FRY: variants seen among roughly 807,000 people sequenced by gnomAD.
The protein encoded by FRY is protein furry homolog.
Under a neutral mutation model 348.4 loss-of-function variants are expected in FRY, and 128 were observed. That is an observed-to-expected ratio of 0.37 (90% CI 0.32 to 0.43). The LOEUF (loss-of-function observed/expected upper bound fraction) is 0.43, where lower values mean the gene tolerates loss of function less well. FRY is among the 20% of genes least tolerant of loss of function. The probability of loss-of-function intolerance (pLI) is 1.00; values close to 1 mark genes in which losing one functional copy is unlikely to be tolerated. For synonymous variants in FRY, 1,370 were observed against 1,374.7 expected, an observed-to-expected ratio of 1.00 and a Z score of 0.08; for missense variants, 2,736 against 3,695.2, an observed-to-expected ratio of 0.74 and a Z score of 6.73.
At chr13:32,242,892 T>C (rs1226190245) in intron 46 of FRY, among the ~76,000 whole-genome samples, 1 of 152,212 alleles carries the variant, frequency 6.6e-6, no homozygotes, top group African/African-American at 2.4e-5. Context: ...TTTAGTTGGA[T>C]CATCTCTATC....
chr13:32,295,665 A>G lies in FRY; in HGVS notation c.*205A>G, dbSNP rs1484440611. On this transcript the variant is annotated 3_prime_UTR_variant, in exon 61 of 61. Coordinates refer to ENST00000542859, the MANE Select transcript of FRY (RefSeq NM_023037.3). The stretch of plus-strand genomic sequence containing the variant: ...CAAGGTAGCTTAGAACGTCCTGGAC[A>G]GACTCCACTCATCATGCTGTGTGGC... The G allele has an allele frequency of 6.6e-6, 4 of 601,518 alleles. No homozygotes were observed. The highest frequency in any genetic ancestry group is 1.2e-5 in the Non-Finnish European group (4 of 337,176). 37.3% of individuals were successfully genotyped at this position (601,518 alleles called of 1,614,324 possible).
intron 2 of FRY, chr13:32,086,072 T>G: frequency 2.1e-6 from 1 of 477,912 alleles, no homozygotes; most frequent in Non-Finnish European, 4.2e-6. Flanking sequence ...CCTCTGAGGG[T>G]TTTCAAAGGC....
In FRY at chr13:32,147,351, C is replaced by T. The variant is rs1229819218; in HGVS notation, c.1249C>T (p.Arg417Ter). The part of the protein sequence containing the change: ...LYRLLWVYMI[R>*]IKCESNTATQ... ...CAGATTACTTTGGGTTTACATGATT[C>T]GAATTAAATGTGAAAGCAACACAGC... Residue 417 changes from arginine to a stop codon, truncating the protein, a stop_gained, in exon 12 of 61, where the codon CGA becomes TGA. Coordinates refer to ENST00000542859, the MANE Select transcript of FRY (RefSeq NM_023037.3). LOFTEE classifies it high-confidence loss of function. 1 of 1,610,332 alleles carries T rather than the reference C, an allele frequency of 6.2e-7. No individual in the cohort carries two copies. The highest frequency in any genetic ancestry group is 8.5e-7 in the Non-Finnish European group (1 of 1,176,668).
At chr13:32,259,366 C>T (rs1462912875) in intron 51 of FRY, among the ~76,000 whole-genome samples, 1 of 152,224 alleles carries the variant, frequency 6.6e-6, no homozygotes, top group Non-Finnish European at 1.5e-5. Flanking sequence ...TTACACCTTC[C>T]AGCAAGACAG....
chr13:32,205,647 T>C (rs1884311077), intron 31 of FRY, among the ~76,000 whole-genome samples: 1 of 152,110 alleles, frequency 6.6e-6, no homozygotes, highest in African/African-American at 2.4e-5. Context: ...ATATGTGCTT[T>C]TTGAATCCCC....
At chr13:32,152,280 T>G (rs1880844061) in intron 14 of FRY, among the ~76,000 whole-genome samples, 1 of 152,180 alleles carries the variant, frequency 6.6e-6, no homozygotes, top group Non-Finnish European at 1.5e-5. Flanking sequence ...TTCCAAAATT[T>G]ATATGGAAAA....
chr13:32,183,794 A>T (rs931810298), intron 24 of FRY, among the ~76,000 whole-genome samples: 2 of 150,502 alleles, frequency 1.3e-5, no homozygotes, highest in Non-Finnish European at 3.0e-5. Flanking sequence ...AAAAAAAAAA[A>T]AAAACCTAGA....
intron 36 of FRY, among the ~76,000 whole-genome samples, chr13:32,223,204 C>T (rs966775400): frequency 3.9e-5 from 6 of 152,090 alleles, no homozygotes; most frequent in African/African-American, 1.4e-4. Context: ...GTGATCTACC[C>T]GCCTTGGCCT....
At chr13:32,263,243 A>G (rs1887757927) in intron 53 of FRY, among the ~76,000 whole-genome samples, 1 of 152,204 alleles carries the variant, frequency 6.6e-6, no homozygotes, top group Admixed American at 6.5e-5. Flanking sequence ...ATGGTTGTGC[A>G]AGTTCAAAAG....
intron 14 of FRY, 22 bp from the exon 15 acceptor site, chr13:32,155,469 A>T: frequency 6.3e-7 from 1 of 1,594,434 alleles, no homozygotes; most frequent in Non-Finnish European, 8.6e-7. Context: ...TCCTTTTGTC[A>T]TGACAATATT....
At chr13:32,046,563 CA>C (rs777250763) in intron 1 of FRY, among the ~76,000 whole-genome samples, 287 of 152,280 alleles carry the variant, frequency 1.9e-3, no homozygotes, top group Admixed American at 3.4e-3. Context: ...TTGCTGAAAA[CA>C]GAAGTGAATT....
chr13:32,211,415 C>T (rs747323040), intron 34 of FRY, among the ~76,000 whole-genome samples: 1 of 152,188 alleles, frequency 6.6e-6, no homozygotes, highest in Non-Finnish European at 1.5e-5. Flanking sequence ...GCCAAGATTG[C>T]ACCACTATAC....
chr13:32,109,304 A>T (rs945121154), intron 3 of FRY, among the ~76,000 whole-genome samples: 1 of 152,202 alleles, frequency 6.6e-6, no homozygotes, highest in Non-Finnish European at 1.5e-5. Context: ...AAAATGAATA[A>T]GACAGAGCCC....
chr13:32,038,282 G>GCAATATAGCT (rs1219796901), intron 1 of FRY: 1 of 152,164 alleles, frequency 6.6e-6, no homozygotes. Flanking sequence ...TTTAAAAAAT[G>GCAATATAGCT]CAATATAGCT....
At chr13:32,127,025 T>A (rs961807380) in intron 7 of FRY, among the ~76,000 whole-genome samples, 1 of 152,214 alleles carries the variant, frequency 6.6e-6, no homozygotes, top group African/African-American at 2.4e-5. Context: ...TGATGCTGTT[T>A]AGTTCTTGTC....
At position 32,261,784 on chromosome 13, in the gene FRY, A is replaced by G. The variant is rs563858430; in HGVS notation, c.7585A>G (p.Thr2529Ala). ...SDESSEEEDLTASQILEHSDL... is the reference protein window; with the variant it reads ...SDESSEEEDLAASQILEHSDL... The stretch of plus-strand genomic sequence containing the variant: ...TGAATCATCCGAGGAGGAGGACCTC[A>G]CAGCCAGCCAGATCCTGGAGCACTC... Residue 2529 changes from threonine to alanine, a missense_variant, in exon 52 of 61, where the codon ACA (threonine) becomes GCA (alanine). Around this residue, in one of 9 missense-constraint regions of FRY, gnomAD observed 789 missense variants for 996.2 expected, o/e 0.79. Coordinates refer to ENST00000542859, the MANE Select transcript of FRY (RefSeq NM_023037.3). The G allele has an allele frequency of 6.2e-7, 1 of 1,614,218 alleles. No individual in the cohort carries two copies. The highest frequency in any genetic ancestry group is 8.5e-7 in the Non-Finnish European group (1 of 1,180,030).
chr13:32,067,841 T>C (rs368392), intron 1 of FRY, among the ~76,000 whole-genome samples: 123,098 of 152,146 alleles, frequency 0.81, 50,002 homozygotes, highest in East Asian at 1. Flanking sequence ...AAAATGTTAA[T>C]TTTGTTGGAG....
At chr13:32,068,344 A>C (rs1465567918) in intron 1 of FRY, among the ~76,000 whole-genome samples, 3 of 152,168 alleles carry the variant, frequency 2.0e-5, no homozygotes. Flanking sequence ...CTTAGGGAGA[A>C]AAAGGAAGTT....
At chr13:32,208,718 C>A (rs1884501232) in intron 31 of FRY, 135 bp from the exon 32 acceptor site, 3 of 1,011,446 alleles carry the variant, frequency 3.0e-6, no homozygotes, top group Non-Finnish European at 4.6e-6. Flanking sequence ...CATTCTGTGG[C>A]CTTGGGGAGC....
Sources: gnomAD v4.1 joint callset for allele counts (sites outside exome capture counted in the v4.1 genomes callset) on GRCh38, gnomAD v4.1.1 for gene constraint, gnomAD v4.1.1 regional missense constraint, MANE v1.5 for transcripts, NCBI Gene and HGNC (gene_info 2026-07-23, HGNC 2026-07-21) for gene names.